The following CHST11 variants were observed in gnomAD, a reference collection of about 807,000 sequenced individuals.
The protein encoded by CHST11 is C4S-1.
Under a neutral mutation model 30.4 loss-of-function variants are expected in CHST11, and 9 were observed. That is an observed-to-expected ratio of 0.30 (90% confidence interval 0.18 to 0.52). The LOEUF (loss-of-function observed/expected upper bound fraction) is 0.52, where lower values mean the gene tolerates loss of function less well. Ranked by LOEUF, CHST11 falls within the 20% of genes least tolerant of loss-of-function variation. The probability of loss-of-function intolerance (pLI) is 0.97; values close to 1 mark genes in which losing one functional copy is unlikely to be tolerated. For synonymous variants in CHST11, 152 were observed against 187.8 expected, an observed-to-expected ratio of 0.81 and a Z score of 1.56; for missense variants, 348 against 460.6, an observed-to-expected ratio of 0.76 and a Z score of 2.24.
chr12:104,590,794 C>T (rs949784196), intron 1 of CHST11, among the ~76,000 whole-genome samples: 3 of 151,886 alleles, frequency 2.0e-5, no homozygotes, highest in South Asian at 2.1e-4. Flanking sequence ...TGGTGGCACA[C>T]GCCTGTAATC....
At chr12:104,610,969 C>G (rs1003827141) in intron 2 of CHST11, among the ~76,000 whole-genome samples, 2 of 152,156 alleles carry the variant, frequency 1.3e-5, no homozygotes, top group Non-Finnish European at 2.9e-5. Flanking sequence ...GATGCCCAGT[C>G]AATGCTGATT....
intron 1 of CHST11, among the ~76,000 whole-genome samples, chr12:104,479,901 G>A (rs764771144): frequency 2.6e-5 from 4 of 152,174 alleles, no homozygotes; most frequent in Non-Finnish European, 4.4e-5. Context: ...GAGGGAGAGA[G>A]GTCCAGCGGA....
chr12:104,598,684 G>A (rs956084071), intron 1 of CHST11, among the ~76,000 whole-genome samples: 8 of 152,298 alleles, frequency 5.3e-5, no homozygotes, highest in African/African-American at 1.9e-4. Context: ...CTAGTTTTTG[G>A]AACATGACAC....
In CHST11 at chr12:104,663,210, C is replaced by T. The variant is rs2039612384; in HGVS notation, c.204+61219C>T. Among the ~76,000 whole-genome samples the T allele has an allele frequency of 2.0e-5, 3 of 152,228 alleles. No homozygotes were observed. In the South Asian group the frequency reaches 6.2e-4, roughly 31 times the overall value. Reference sequence around the variant, plus strand: ...GTCTAACCTACTCCATCCTCACCTCCGTGCGACTTCCATCTCGTGACGTTC... The same window carrying T: ...GTCTAACCTACTCCATCCTCACCTCTGTGCGACTTCCATCTCGTGACGTTC... On this transcript the variant is annotated intron_variant, in intron 2 of 2. Transcript: ENST00000303694.
chr12:104,694,429 G>C lies in CHST11; in HGVS notation c.205-62520G>C, dbSNP rs548626383. Among the ~76,000 whole-genome samples the C allele has an allele frequency of 2.6e-5, 4 of 152,274 alleles. No individual in the cohort carries two copies. In the South Asian group the frequency reaches 8.3e-4, roughly 32 times the overall value. ...GCACTGGGCGCTGCACCAGGCCCCG[G>C]AGTTCAAAGGTGGCCAAGATGCCAC... is the stretch of plus-strand genomic sequence containing the variant. On this transcript the variant is annotated intron_variant, in intron 2 of 2. Transcript: ENST00000303694.
chr12:104,603,571 A>G (rs1156640704), intron 2 of CHST11, among the ~76,000 whole-genome samples: 1 of 152,178 alleles, frequency 6.6e-6, no homozygotes, highest in Non-Finnish European at 1.5e-5. Flanking sequence ...TAGTTGTGCA[A>G]CCCTGAATAT....
intron 1 of CHST11, among the ~76,000 whole-genome samples, chr12:104,583,432 C>A (rs1302954108): frequency 6.6e-6 from 1 of 152,076 alleles, no homozygotes; most frequent in Non-Finnish European, 1.5e-5. Context: ...GGACCGTGGG[C>A]GTGTTTCATC....
intron 2 of CHST11, among the ~76,000 whole-genome samples, chr12:104,678,947 A>G (rs2039767712): frequency 6.6e-6 from 1 of 152,002 alleles, no homozygotes; most frequent in Non-Finnish European, 1.5e-5. Context: ...GGTTATTTTA[A>G]TTTCTCCCGC....
At chr12:104,471,486 A>G (rs2037508731) in intron 1 of CHST11, among the ~76,000 whole-genome samples, 2 of 152,194 alleles carry the variant, frequency 1.3e-5, no homozygotes, top group African/African-American at 4.8e-5. Flanking sequence ...AACAGCCAAA[A>G]AGTGAACAAC....
intron 2 of CHST11, among the ~76,000 whole-genome samples, chr12:104,684,461 C>T (rs1346444331): frequency 6.6e-6 from 1 of 152,178 alleles, no homozygotes; most frequent in Non-Finnish European, 1.5e-5. Flanking sequence ...GATGGTACAC[C>T]CTGCCCCTCC....
chr12:104,743,210 A>G (rs1179396193), intron 2 of CHST11, among the ~76,000 whole-genome samples: 2 of 152,266 alleles, frequency 1.3e-5, no homozygotes, highest in Non-Finnish European at 2.9e-5. Context: ...CCAGCAAAAT[A>G]AGTAAATTGA....
intron 2 of CHST11, among the ~76,000 whole-genome samples, chr12:104,728,000 T>G (rs1440699684): frequency 6.6e-6 from 1 of 152,210 alleles, no homozygotes; most frequent in Non-Finnish European, 1.5e-5. Context: ...CCGGCATGTC[T>G]GGGGATAAAA....
chr12:104,558,015 G>A (rs2038474341), intron 1 of CHST11, among the ~76,000 whole-genome samples: 1 of 152,138 alleles, frequency 6.6e-6, no homozygotes, highest in African/African-American at 2.4e-5. Flanking sequence ...CAGGGCCAGA[G>A]AGGACCAGCT....
At chr12:104,632,533 A>G (rs1017077190) in intron 2 of CHST11, among the ~76,000 whole-genome samples, 2 of 152,182 alleles carry the variant, frequency 1.3e-5, no homozygotes, top group African/African-American at 4.8e-5. Flanking sequence ...CAAAGAAAAG[A>G]TTCTCTAACT....
intron 1 of CHST11, among the ~76,000 whole-genome samples, chr12:104,540,552 A>G (rs757246103): frequency 1.3e-5 from 2 of 152,206 alleles, no homozygotes; most frequent in Non-Finnish European, 2.9e-5. Context: ...TTGGGCCACA[A>G]GGGCACATCC....
chr12:104,523,044 C>G (rs2038088894), intron 1 of CHST11, among the ~76,000 whole-genome samples: 1 of 152,162 alleles, frequency 6.6e-6, no homozygotes, highest in African/African-American at 2.4e-5. Flanking sequence ...AGCTGTGATG[C>G]TTGACTAATT....
At chr12:104,609,202 G>A (rs551288996) in intron 2 of CHST11, among the ~76,000 whole-genome samples, 8 of 152,306 alleles carry the variant, frequency 5.3e-5, no homozygotes, top group African/African-American at 1.4e-4. Context: ...TGACGAGTTC[G>A]TCTAATTATC....
At chr12:104,711,412 A>G (rs1255229314) in intron 2 of CHST11, among the ~76,000 whole-genome samples, 1 of 152,244 alleles carries the variant, frequency 6.6e-6, no homozygotes, top group Non-Finnish European at 1.5e-5. Context: ...AGATGGTAGG[A>G]AATAGAATTA....
At chr12:104,614,695 G>A (rs1348732344) in intron 2 of CHST11, among the ~76,000 whole-genome samples, 5 of 149,692 alleles carry the variant, frequency 3.3e-5, no homozygotes, top group African/African-American at 4.9e-5. Context: ...ATGCATGCTT[G>A]TGTGTGTGTG....
Sources: allele counts gnomAD v4.1 joint callset (sites outside exome capture counted in the v4.1 genomes callset), GRCh38; gene constraint gnomAD v4.1.1; transcripts MANE v1.5; gene names NCBI Gene and HGNC (gene_info 2026-07-23, HGNC 2026-07-21).